Variants in RBBP5 observed in about 807,000 individuals in gnomAD.
RBBP5 encodes retinoblastoma-binding protein 5.
Under a neutral mutation model 72.2 loss-of-function variants are expected in RBBP5, and 5 were observed. That is an observed-to-expected ratio of 0.07 (90% CI 0.04 to 0.15). The LOEUF is 0.15. RBBP5 is among the 10% of genes least tolerant of loss of function. The pLI, the probability that RBBP5 is intolerant of heterozygous loss-of-function variation, is 1.00. For synonymous variants in RBBP5, 209 were observed against 237.2 expected (o/e 0.88, Z 1.09); for missense variants, 322 against 652.2 (o/e 0.49, Z 5.51).
In RBBP5 at chr1:205,112,875, C is replaced by T. The variant is rs536451464; in HGVS notation, c.218+1914G>A. ...TGGTGGCTCACACCTGTAATCCCAG[C>T]ACTTTGGGAGGCTGAGGCAGGAGGA... On this transcript the variant is annotated intron_variant, in intron 3 of 13. Transcript: ENST00000264515. Among the ~76,000 whole-genome samples, 11 of 152,306 alleles carry T rather than the reference C, an allele frequency of 7.2e-5. No homozygotes were observed. In the South Asian group the frequency reaches 2.3e-3, roughly 32 times the overall value.
Position 205,099,604 on chromosome 1 carries a change from C to T in RBBP5, c.978+137G>A, listed in dbSNP as rs1655744727. 4.2e-6 allele frequency: 4 copies of T among 946,852 alleles called. No homozygotes were observed. In the East Asian group the frequency reaches 1.0e-4, roughly 24 times the overall value. 58.7% of individuals were successfully genotyped at this position (946,852 alleles called of 1,614,324 possible). On this transcript the variant is annotated intron_variant, in intron 9 of 13. Coordinates refer to ENST00000264515, the MANE Select transcript of RBBP5 (RefSeq NM_005057.4). The surrounding 1 kb of genome is among the most constrained non-coding windows in gnomAD (Gnocchi z 4.7). ...CCAAAATAAAGTGCAACTAGATGCA[C>T]TGAACCTATGTAATTTAGGTTGCGA...
At chr1:205,115,052 TA>T (rs1358915941) in intron 2 of RBBP5, 91 bp from the exon 3 acceptor site, 1 of 1,181,648 alleles carries the variant, frequency 8.5e-7, no homozygotes, top group Non-Finnish European at 1.2e-6. Flanking sequence ...GTGATACTTT[TA>T]TTGAATATAA....
rs367936931 is a variant in RBBP5, at chr1:205,104,034, G to A, written c.360-15C>T. On this transcript the variant is annotated splice_polypyrimidine_tract_variant and intron_variant, in intron 4 of 13. Coordinates refer to ENST00000264515, the MANE Select transcript of RBBP5 (RefSeq NM_005057.4). Reference sequence around the variant, plus strand: ...GAACCTTGTTCCTGTTTAAAAATACGAACAGTACATTGGCTGTTGCTTTGG... The same window carrying A: ...GAACCTTGTTCCTGTTTAAAAATACAAACAGTACATTGGCTGTTGCTTTGG... 6.7e-5 allele frequency: 108 copies of A among 1,610,436 alleles called. No homozygotes were observed. Among genetic ancestry groups the A allele is most frequent in the African/African-American group, 1.6e-4 (12 of 74,828 alleles).
intron 11 of RBBP5, 34 bp downstream of exon 11, chr1:205,097,292 T>C (rs919509791): frequency 5.8e-6 from 9 of 1,548,574 alleles, no homozygotes; most frequent in South Asian, 1.2e-5. Context: ...GGAGCAGCAG[T>C]AGCCAAGGTG....
At chr1:205,121,731 GGTGTGCCCA>G in intron 1 of RBBP5, 115 bp downstream of exon 1, 1 of 1,474,410 alleles carries the variant, frequency 6.8e-7, no homozygotes. Flanking sequence ...CTCCACATCA[GGTGTGCCCA>G]GTGATCCATA....
intron 5 of RBBP5, among the ~76,000 whole-genome samples, chr1:205,102,995 T>TC (rs1655903286): frequency 2.4e-5 from 2 of 83,548 alleles, no homozygotes; most frequent in Non-Finnish European, 5.0e-5. Context: ...AAACTCCATC[T>TC]CAAAAAAAAA....
At chr1:205,088,870 T>C in intron 13 of RBBP5, 55 bp from the exon 14 acceptor site, 1 of 1,469,706 alleles carries the variant, frequency 6.8e-7, no homozygotes, top group South Asian at 1.2e-5. Context: ...GACCAGTTAC[T>C]TGTAAGAACA....
intron 12 of RBBP5, among the ~76,000 whole-genome samples, chr1:205,095,339 C>T (rs1259114334): frequency 2.0e-5 from 3 of 148,630 alleles, no homozygotes; most frequent in Non-Finnish European, 4.4e-5. Flanking sequence ...TGGCCCAACA[C>T]AAATTCATAA....
chr1:205,094,482 C>T (rs1173573188), intron 13 of RBBP5, among the ~76,000 whole-genome samples: 1 of 151,956 alleles, frequency 6.6e-6, no homozygotes, highest in African/African-American at 2.4e-5. Flanking sequence ...CTCTTTGAGA[C>T]AAAACAAACA....
At position 205,115,275 on chromosome 1, in the gene RBBP5, C is replaced by T. The variant is rs1656476614; in HGVS notation, c.46-314G>A. On this transcript the variant is annotated intron_variant, in intron 2 of 13. Transcript: ENST00000264515. ...AAAAAGTCATATCTATTGATGCAGTCATTGTAATTCTGGGAATTTATTCCA... is the reference window on the plus strand; with the variant it reads ...AAAAAGTCATATCTATTGATGCAGTTATTGTAATTCTGGGAATTTATTCCA... Among the ~76,000 whole-genome samples the T allele has an allele frequency of 3.3e-5, 5 of 152,044 alleles. No homozygotes were observed. The South Asian group carries it at 1.0e-3, about 32-fold the overall frequency.
intron 12 of RBBP5, among the ~76,000 whole-genome samples, chr1:205,096,160 T>C (rs771504114): frequency 5.3e-5 from 8 of 151,932 alleles, no homozygotes; most frequent in Non-Finnish European, 1.2e-4. Flanking sequence ...GCCACTGCAC[T>C]GCAGCCTGGG....
intron 1 of RBBP5, 33 bp downstream of exon 1, chr1:205,121,822 G>C (rs1488261266): frequency 1.9e-6 from 3 of 1,612,100 alleles, no homozygotes; most frequent in South Asian, 2.2e-5. Flanking sequence ...AGTACCCAAC[G>C]CTTCTCTAAA....
Position 205,099,138 on chromosome 1 carries a change from G to C in RBBP5, c.979-32C>G. 2 of 1,295,544 alleles carry C rather than the reference G, an allele frequency of 1.5e-6. No homozygotes were observed. The highest frequency in any genetic ancestry group is 2.7e-5 in the South Asian group (2 of 74,682). The allele number at this position is 1,295,544 out of a possible 1,614,324, so 80.3% of individuals were successfully genotyped here. On this transcript the variant is annotated intron_variant, in intron 9 of 13. Coordinates refer to ENST00000264515, the MANE Select transcript of RBBP5 (RefSeq NM_005057.4). The surrounding 1 kb of genome is among the most constrained non-coding windows in gnomAD (Gnocchi z 4.7). The stretch of plus-strand genomic sequence containing the variant: ...AACAAGATATACTACTTAACCATAT[G>C]TGAAAGCAATAATCTGTAATCTACA...
intron 13 of RBBP5, chr1:205,091,715 C>T (rs896342114): frequency 2.0e-5 from 3 of 152,218 alleles, no homozygotes; most frequent in African/African-American, 7.2e-5. Flanking sequence ...ATTCATCTAA[C>T]TTGGGTAGTA....
rs1321467803 is a variant in RBBP5 at position 205,087,968 on chromosome 1, T to C, written c.*819A>G. On this transcript the variant is annotated 3_prime_UTR_variant, in exon 14 of 14. Coordinates refer to ENST00000264515, the MANE Select transcript of RBBP5 (RefSeq NM_005057.4). ...AGATTCCCCCACCCCAGTAAAAAAG[T>C]AGCTTGTTGAGAGACACCTGGGTTT... 7 of 152,684 alleles carry C rather than the reference T, an allele frequency of 4.6e-5. No individual in the cohort carries two copies. Among genetic ancestry groups the C allele is most frequent in the African/African-American group, 7.2e-5 (3 of 41,576 alleles). 9.5% of individuals were successfully genotyped at this position (152,684 alleles called of 1,614,324 possible). A position where few individuals can be genotyped will look rare whatever the true frequency, so the allele number is the denominator to read the frequency against.
chr1:205,112,997 C>T (rs1455263831), intron 3 of RBBP5, among the ~76,000 whole-genome samples: 1 of 152,014 alleles, frequency 6.6e-6, no homozygotes, highest in Non-Finnish European at 1.5e-5. Flanking sequence ...TGGTGGCGCA[C>T]ATCTGTAGAC....
intron 6 of RBBP5, 33 bp from the exon 7 acceptor site, chr1:205,100,304 G>A (rs761167035): frequency 1.7e-5 from 27 of 1,609,356 alleles, no homozygotes; most frequent in East Asian, 2.2e-5. Flanking sequence ...AACACCAGAG[G>A]TCAGAAATCT....
intron 1 of RBBP5, among the ~76,000 whole-genome samples, chr1:205,120,091 A>G (rs1656677913): frequency 6.6e-6 from 1 of 152,120 alleles, no homozygotes; most frequent in South Asian, 2.1e-4. Flanking sequence ...TCTCTTACTC[A>G]TCAGCACTAT....
intron 4 of RBBP5, among the ~76,000 whole-genome samples, 154 bp from the exon 5 acceptor site, chr1:205,104,173 AAC>A (rs1655956511): frequency 1.3e-5 from 2 of 152,236 alleles, no homozygotes; most frequent in African/African-American, 4.8e-5. Flanking sequence ...CAGGTCTAAT[AAC>A]AGGGAAAATT....
Sources: gnomAD v4.1 joint callset for allele counts (sites outside exome capture counted in the v4.1 genomes callset) on GRCh38, gnomAD v4.1.1 for gene constraint, Gnocchi (gnomAD v3.1) non-coding constraint, MANE v1.5 for transcripts, NCBI Gene and HGNC (gene_info 2026-07-23, HGNC 2026-07-21) for gene names.